MAGI3: variants seen among roughly 807,000 people sequenced by gnomAD.
MAGI3 encodes the protein membrane-associated guanylate kinase, WW and PDZ domain-containing protein 3.
In MAGI3, 43 loss-of-function variants were observed where a neutral mutation model predicts 121.8. The observed-to-expected ratio is 0.35, with a 90% CI of 0.28 to 0.46. The LOEUF (loss-of-function observed/expected upper bound fraction) is 0.46, where lower values mean the gene tolerates loss of function less well. MAGI3 is among the 20% of genes least tolerant of loss of function. MAGI3 has a pLI of 1.00. For synonymous variants in MAGI3, 553 were observed against 639.3 expected (o/e 0.86, Z 2.04); for missense variants, 1,547 against 1,797.3 (o/e 0.86, Z 2.52).
At chr1:113,544,742 A>G (rs1257601692) in intron 1 of MAGI3, among the ~76,000 whole-genome samples, 1 of 152,244 alleles carries the variant, frequency 6.6e-6, no homozygotes, top group Non-Finnish European at 1.5e-5. Flanking sequence ...AAGAGCAACA[A>G]GAGGGAAGAG....
intron 4 of MAGI3, among the ~76,000 whole-genome samples, chr1:113,588,169 A>G (rs1648491702): frequency 6.6e-6 from 1 of 152,164 alleles, no homozygotes; most frequent in Admixed American, 6.5e-5. Flanking sequence ...AAGGTTTGCA[A>G]TTTTAGACAG....
At chr1:113,530,442 A>AT (rs1310390420) in intron 1 of MAGI3, among the ~76,000 whole-genome samples, 1 of 152,032 alleles carries the variant, frequency 6.6e-6, no homozygotes, top group African/African-American at 2.4e-5. Flanking sequence ...ACCAGGGCCT[A>AT]TTTGAGGGTA....
chr1:113,425,420 C>A (rs1336156902), intron 1 of MAGI3, among the ~76,000 whole-genome samples: 1 of 150,518 alleles, frequency 6.6e-6, no homozygotes, highest in Admixed American at 6.6e-5. Flanking sequence ...ATAGCTGGGA[C>A]TACAGGCGCC....
intron 1 of MAGI3, among the ~76,000 whole-genome samples, chr1:113,411,868 C>CTTAT (rs774891653): frequency 2.6e-5 from 4 of 151,448 alleles, no homozygotes; most frequent in Admixed American, 6.6e-5. Context: ...ATAGAAATAA[C>CTTAT]TTATTTATTT....
chr1:113,612,319 C>T (rs1369449791), intron 6 of MAGI3, among the ~76,000 whole-genome samples: 1 of 152,032 alleles, frequency 6.6e-6, no homozygotes, highest in African/African-American at 2.4e-5. Flanking sequence ...TCTGCACTCC[C>T]CAAAAAAGAT....
In MAGI3 at chr1:113,639,225, G is replaced by A. The variant is rs534790714; in HGVS notation, c.1361-2686G>A. On this transcript the variant is annotated intron_variant, in intron 9 of 20. Coordinates refer to ENST00000307546, the MANE Select transcript of MAGI3 (RefSeq NM_001142782.2). ...CCTCGCCCTGCTTCAGCTCGCACACGGTGCGCTGCACCCACTATCCTGCAC... is the reference window on the plus strand; with the variant it reads ...CCTCGCCCTGCTTCAGCTCGCACACAGTGCGCTGCACCCACTATCCTGCAC... Among the ~76,000 whole-genome samples, 34 of 152,316 alleles carry A rather than the reference G, an allele frequency of 2.2e-4. No homozygotes were observed. In the East Asian group the frequency reaches 5.8e-3, roughly 26 times the overall value.
chr1:113,481,960 T>TC (rs956270999), intron 1 of MAGI3, among the ~76,000 whole-genome samples: 3 of 140,306 alleles, frequency 2.1e-5, no homozygotes, highest in African/African-American at 6.1e-5. Context: ...TCATTCTCTC[T>TC]TTTTTTTTTC....
chr1:113,617,342 C>A (rs1244493709), intron 7 of MAGI3, among the ~76,000 whole-genome samples: 1 of 152,086 alleles, frequency 6.6e-6, no homozygotes, highest in East Asian at 1.9e-4. Context: ...CTGTAATATT[C>A]TCCTCTCTTA....
intron 2 of MAGI3, among the ~76,000 whole-genome samples, chr1:113,555,279 C>T (rs926425359): frequency 6.6e-5 from 10 of 152,122 alleles, no homozygotes; most frequent in Middle Eastern, 3.4e-3. Flanking sequence ...AAACAACAAA[C>T]GAAATGTTAA....
chr1:113,626,549 G>C (rs568583307), intron 9 of MAGI3, among the ~76,000 whole-genome samples: 1 of 152,026 alleles, frequency 6.6e-6, no homozygotes, highest in Non-Finnish European at 1.5e-5. Context: ...TCCTTTAAAT[G>C]CTTGGTAGAA....
intron 16 of MAGI3, among the ~76,000 whole-genome samples, chr1:113,667,897 T>C (rs189349593): frequency 1.2e-4 from 18 of 152,304 alleles, no homozygotes; most frequent in Non-Finnish European, 2.5e-4. Flanking sequence ...GAAAGGCTAG[T>C]TGATGGAGCC....
intron 1 of MAGI3, among the ~76,000 whole-genome samples, chr1:113,513,552 G>A (rs1657726735): frequency 6.6e-6 from 1 of 152,082 alleles, no homozygotes; most frequent in African/African-American, 2.4e-5. Flanking sequence ...AATAAATGGT[G>A]TTGGGAAAAC....
rs572724383 is a variant in MAGI3 at position 113,416,366 on chromosome 1, T to C, written c.316+25017T>C. On this transcript the variant is annotated intron_variant, in intron 1 of 20. Coordinates refer to ENST00000307546, the MANE Select transcript of MAGI3 (RefSeq NM_001142782.2). ...ATATTAATTATATATTAATTTATAT[T>C]ATATTAATATATTAATAATATATAT... 4.9e-4 allele frequency among the ~76,000 whole-genome samples: 60 copies of C among 122,990 alleles called. 2 individuals carry two copies. The highest frequency in any genetic ancestry group is 2.2e-3 in the South Asian group (9 of 4,030). The allele number at this position is 122,990 out of a possible 152,430, so 80.7% of individuals were successfully genotyped here.
intron 1 of MAGI3, among the ~76,000 whole-genome samples, chr1:113,524,230 A>G (rs1054847784): frequency 6.6e-6 from 1 of 152,214 alleles, no homozygotes; most frequent in Admixed American, 6.5e-5. Flanking sequence ...TTGCTAAGGC[A>G]GTGCCAAAGC....
chr1:113,671,881 C>G, intron 17 of MAGI3, 45 bp downstream of exon 17: 1 of 1,504,226 alleles, frequency 6.6e-7, no homozygotes, highest in South Asian at 1.2e-5. Flanking sequence ...TTCTTATTCT[C>G]TCCTTATTGC....
rs769413965 is a variant in MAGI3, at chr1:113,580,532, T to C, written c.434-10T>C. On this transcript the variant is annotated splice_polypyrimidine_tract_variant and intron_variant, in intron 2 of 20. Coordinates refer to ENST00000307546, the MANE Select transcript of MAGI3 (RefSeq NM_001142782.2). ...CTTTACAACCTACTTTTTTTTTTCT[T>C]TTTTCTTAGGCACTACAAGGGCCCC... 6.3e-7 allele frequency: 1 copy of C among 1,582,768 alleles called. No individual in the cohort carries two copies. Among genetic ancestry groups the C allele is most frequent in the Non-Finnish European group, 8.5e-7 (1 of 1,170,212 alleles).
intron 12 of MAGI3, among the ~76,000 whole-genome samples, chr1:113,649,014 G>A (rs779645378): frequency 1.3e-5 from 2 of 152,132 alleles, no homozygotes; most frequent in South Asian, 4.1e-4. Context: ...GAGAGTAAAT[G>A]TTTCTAAACA....
At chr1:113,400,977 G>A (rs1454374206) in intron 1 of MAGI3, among the ~76,000 whole-genome samples, 2 of 152,086 alleles carry the variant, frequency 1.3e-5, no homozygotes, top group African/African-American at 4.8e-5. Context: ...GTCATTTAGA[G>A]TAATAACTTC....
intron 11 of MAGI3, 21 bp downstream of exon 11, chr1:113,643,795 A>G: frequency 6.2e-7 from 1 of 1,610,094 alleles, no homozygotes; most frequent in Non-Finnish European, 8.5e-7. Context: ...ACTGGTCCTC[A>G]AATCTTTTCC....
Sources: gnomAD v4.1 joint callset for allele counts (sites outside exome capture counted in the v4.1 genomes callset) on GRCh38, gnomAD v4.1.1 for gene constraint, MANE v1.5 for transcripts, NCBI Gene and HGNC (gene_info 2026-07-23, HGNC 2026-07-21) for gene names.